The following LINGO2 variants were observed in gnomAD, a reference collection of about 807,000 sequenced individuals.
The protein encoded by LINGO2 is leucine-rich repeat and immunoglobulin-like domain-containing nogo receptor-interacting protein 2.
LINGO2 carries 14 observed loss-of-function variants against 30.6 expected under a neutral mutation model. The ratio of observed to expected loss-of-function variants is 0.46; its 90% CI spans 0.30 to 0.72. The LOEUF is 0.72. LINGO2 is among the 30% of genes least tolerant of loss of function. LINGO2 has a pLI of 0.07. For missense variants in LINGO2, 729 were observed against 751.7 expected, an observed-to-expected ratio of 0.97 and a Z score of 0.35; for synonymous variants, 317 against 288.5, an observed-to-expected ratio of 1.10 and a Z score of -1.00.
At chr9:28,705,258 G>T in the LINGO2 span, among the ~76,000 whole-genome samples, 1 of 151,976 alleles carries the variant, frequency 6.6e-6, no homozygotes, top group African/African-American at 2.4e-5. Flanking sequence ...AATGTACTAG[G>T]TAAAAGAAAT....
At chr9:29,021,176 A>C in the LINGO2 span, among the ~76,000 whole-genome samples, 1 of 152,152 alleles carries the variant, frequency 6.6e-6, no homozygotes, top group Non-Finnish European at 1.5e-5. Flanking sequence ...GGATATTTAG[A>C]ACAGTTTTGA....
At chr9:28,062,465 A>G (rs1825174528) in intron 4 of LINGO2, among the ~76,000 whole-genome samples, 1 of 147,056 alleles carries the variant, frequency 6.8e-6, no homozygotes. Flanking sequence ...TATATACTAC[A>G]TATTGTATAT....
chr9:28,217,161 T>A (rs1211789802), intron 4 of LINGO2, among the ~76,000 whole-genome samples: 1 of 150,722 alleles, frequency 6.6e-6, no homozygotes, highest in African/African-American at 2.4e-5. Flanking sequence ...TTATATACTG[T>A]ATATATACTA....
intron 2 of LINGO2, among the ~76,000 whole-genome samples, chr9:28,431,452 T>A (rs1427267332): frequency 6.6e-6 from 1 of 152,114 alleles, no homozygotes; most frequent in Non-Finnish European, 1.5e-5. Context: ...CCTTAAATAA[T>A]TGGAAATGAT....
intron 4 of LINGO2, among the ~76,000 whole-genome samples, chr9:28,016,010 A>AAG (rs1554658824): frequency 6.6e-6 from 1 of 151,534 alleles, no homozygotes; most frequent in Non-Finnish European, 1.5e-5. Flanking sequence ...AAAAAAAAAA[A>AAG]AAAAGATACC....
the LINGO2 span, among the ~76,000 whole-genome samples, chr9:29,042,825 C>A: frequency 2.6e-5 from 4 of 151,700 alleles, no homozygotes; most frequent in Non-Finnish European, 5.9e-5. Flanking sequence ...AAAGTCAACC[C>A]TAAAAAGTTA....
the LINGO2 span, among the ~76,000 whole-genome samples, chr9:29,119,364 C>T: frequency 5.5e-4 from 48 of 87,928 alleles, no homozygotes; most frequent in Admixed American, 1.6e-3. Flanking sequence ...CACGTGTGCG[C>T]GCACACACAC....
At chr9:28,727,277 T>G in the LINGO2 span, among the ~76,000 whole-genome samples, 16 of 152,072 alleles carry the variant, frequency 1.1e-4, no homozygotes, top group Non-Finnish European at 1.9e-4. Context: ...AAGAGTTAGC[T>G]TAAAAATCCT....
the LINGO2 span, among the ~76,000 whole-genome samples, chr9:28,805,142 T>C: frequency 6.6e-6 from 1 of 152,192 alleles, no homozygotes; most frequent in South Asian, 2.1e-4. Flanking sequence ...TCAGGTTCTG[T>C]TAACATGGAT....
At chr9:28,037,202 C>G (rs572321296) in intron 4 of LINGO2, among the ~76,000 whole-genome samples, 1 of 152,212 alleles carries the variant, frequency 6.6e-6, no homozygotes, top group Non-Finnish European at 1.5e-5. Context: ...ACGGAGACAA[C>G]TCTGAATTGA....
the LINGO2 span, among the ~76,000 whole-genome samples, chr9:28,901,518 A>T: frequency 6.6e-6 from 1 of 152,046 alleles, no homozygotes; most frequent in African/African-American, 2.4e-5. Flanking sequence ...TTGTTAAGGG[A>T]TACAAATTAA....
At chr9:28,383,848 T>C (rs1183855183) in intron 2 of LINGO2, among the ~76,000 whole-genome samples, 1 of 152,074 alleles carries the variant, frequency 6.6e-6, no homozygotes, top group Non-Finnish European at 1.5e-5. Context: ...ACATCTGTTT[T>C]GTATATGCAC....
At chr9:28,587,780 T>A (rs1455091308) in intron 1 of LINGO2, among the ~76,000 whole-genome samples, 2 of 151,892 alleles carry the variant, frequency 1.3e-5, no homozygotes, top group Non-Finnish European at 2.9e-5. Flanking sequence ...AGGTACCGGC[T>A]TCAGAGTTAC....
At chr9:28,693,583 T>C in the LINGO2 span, among the ~76,000 whole-genome samples, 3 of 152,152 alleles carry the variant, frequency 2.0e-5, no homozygotes, top group Non-Finnish European at 4.4e-5. Flanking sequence ...CAAGGCTTAG[T>C]CCCATTCAAG....
chr9:28,480,456 A>T (rs915005106), intron 1 of LINGO2, among the ~76,000 whole-genome samples: 1 of 152,126 alleles, frequency 6.6e-6, no homozygotes, highest in Non-Finnish European at 1.5e-5. Flanking sequence ...GGCAGAAGAC[A>T]CAAACATGGA....
At chr9:28,167,763 G>A (rs1398680656) in intron 4 of LINGO2, among the ~76,000 whole-genome samples, 2 of 152,132 alleles carry the variant, frequency 1.3e-5, no homozygotes, top group African/African-American at 2.4e-5. Flanking sequence ...AATAATTCTT[G>A]TTCTAGGTTA....
the LINGO2 span, among the ~76,000 whole-genome samples, chr9:28,768,398 G>A: frequency 6.6e-6 from 1 of 152,052 alleles, no homozygotes; most frequent in Non-Finnish European, 1.5e-5. Context: ...CATTATCTTT[G>A]TAGTCTTTGA....
chr9:28,764,940 G>A, the LINGO2 span, among the ~76,000 whole-genome samples: 63 of 151,868 alleles, frequency 4.1e-4, no homozygotes, highest in African/African-American at 1.0e-3. Context: ...AAATTTAACC[G>A]AGGATGTGAA....
At chr9:28,647,233 C>CA (rs1827881974) in intron 1 of LINGO2, among the ~76,000 whole-genome samples, 2 of 152,192 alleles carry the variant, frequency 1.3e-5, no homozygotes, top group East Asian at 3.9e-4. Context: ...TGATCAAACT[C>CA]AAAATATTAA....
Sources: allele counts gnomAD v4.1 joint callset (sites outside exome capture counted in the v4.1 genomes callset), GRCh38; gene constraint gnomAD v4.1.1; transcripts MANE v1.5; gene names NCBI Gene and HGNC (gene_info 2026-07-23, HGNC 2026-07-21).